Variants in CTNNAL1 observed in about 807,000 individuals in gnomAD.
The protein encoded by CTNNAL1 is alpha-catulin.
A neutral mutation model predicts 93.6 loss-of-function variants in CTNNAL1; 69 were observed. That is an observed-to-expected ratio of 0.74 (90% confidence interval 0.61 to 0.90). CTNNAL1 has a LOEUF of 0.90. Ranked by LOEUF, CTNNAL1 falls within the 40% of genes least tolerant of loss-of-function variation. The probability of loss-of-function intolerance (pLI) is 0.00; values close to 1 mark genes in which losing one functional copy is unlikely to be tolerated. For synonymous variants in CTNNAL1, 286 were observed against 305.4 expected (o/e 0.94, Z 0.66); for missense variants, 836 against 862.0 (o/e 0.97, Z 0.38).
intron 9 of CTNNAL1, among the ~76,000 whole-genome samples, chr9:108,971,222 A>G (rs1473772826): frequency 1.3e-5 from 2 of 152,324 alleles, no homozygotes; most frequent in East Asian, 3.9e-4. Flanking sequence ...AGAGGAAGCC[A>G]GTTCAATTAG....
chr9:108,948,071 A>G (rs1830456566), intron 15 of CTNNAL1, 115 bp downstream of exon 15: 1 of 1,170,580 alleles, frequency 8.5e-7, no homozygotes, highest in Non-Finnish European at 1.2e-6. Context: ...TGTAATACAC[A>G]GGTAGGTACA....
chr9:109,007,706 A>G (rs1827075389), intron 1 of CTNNAL1, among the ~76,000 whole-genome samples: 1 of 152,210 alleles, frequency 6.6e-6, no homozygotes, highest in South Asian at 2.1e-4. Context: ...TATATAACAT[A>G]TATGTGTGGA....
intron 1 of CTNNAL1, among the ~76,000 whole-genome samples, chr9:109,004,112 T>C (rs1440420426): frequency 6.6e-6 from 1 of 152,104 alleles, no homozygotes; most frequent in Non-Finnish European, 1.5e-5. Flanking sequence ...ACAATTCCCA[T>C]GTCATGAAGA....
chr9:108,966,535 C>A (rs1248311147), intron 10 of CTNNAL1, among the ~76,000 whole-genome samples: 1 of 151,842 alleles, frequency 6.6e-6, no homozygotes, highest in South Asian at 2.1e-4. Flanking sequence ...TGGTTCAATG[C>A]ACAGGCTCCA....
At chr9:108,968,119 A>G (rs930504456) in intron 10 of CTNNAL1, among the ~76,000 whole-genome samples, 3 of 152,228 alleles carry the variant, frequency 2.0e-5, no homozygotes, top group African/African-American at 7.2e-5. Context: ...ACTACAGGCT[A>G]GATTTTGGCA....
At chr9:108,990,347 A>G (rs1026668317) in intron 4 of CTNNAL1, among the ~76,000 whole-genome samples, 1 of 152,218 alleles carries the variant, frequency 6.6e-6, no homozygotes, top group African/African-American at 2.4e-5. Flanking sequence ...AGAATAACAA[A>G]TATCTAACAA....
chr9:108,942,841 A>G lies in CTNNAL1; in HGVS notation c.2140-7T>C. ...CGTTATTTTCCATCTGAAGCTGGAAAGAGTTAAGACAATTAGTATCTGGTT... is the reference window on the plus strand; with the variant it reads ...CGTTATTTTCCATCTGAAGCTGGAAGGAGTTAAGACAATTAGTATCTGGTT... On this transcript the variant is annotated splice_polypyrimidine_tract_variant and splice_region_variant and intron_variant, in intron 18 of 18. Transcript: ENST00000325551. 1.9e-6 allele frequency: 3 copies of G among 1,613,742 alleles called. No homozygotes were observed. The highest frequency in any genetic ancestry group is 2.2e-5 in the South Asian group (2 of 91,052).
intron 4 of CTNNAL1, 70 bp downstream of exon 4, chr9:108,990,656 C>T (rs907379676): frequency 1.1e-5 from 17 of 1,517,102 alleles, no homozygotes; most frequent in Admixed American, 1.1e-4. Flanking sequence ...ACAATCCTAA[C>T]GATCATACCT....
intron 10 of CTNNAL1, among the ~76,000 whole-genome samples, chr9:108,968,457 G>A (rs1335146068): frequency 1.3e-5 from 2 of 152,176 alleles, no homozygotes; most frequent in African/African-American, 2.4e-5. Flanking sequence ...GCAACCAGAT[G>A]GCAAGCAGGG....
At chr9:108,972,585 T>C in intron 9 of CTNNAL1, 90 bp downstream of exon 9, 3 of 1,153,930 alleles carry the variant, frequency 2.6e-6, no homozygotes. Flanking sequence ...TCAGATAAAT[T>C]AACCCAAAAC....
intron 3 of CTNNAL1, among the ~76,000 whole-genome samples, chr9:108,991,250 AG>A (rs1237941833): frequency 6.6e-6 from 1 of 152,190 alleles, no homozygotes; most frequent in African/African-American, 2.4e-5. Flanking sequence ...TCAGTGAACC[AG>A]GATGATAGGA....
At chr9:108,994,378 T>C (rs1255354612) in intron 2 of CTNNAL1, among the ~76,000 whole-genome samples, 1 of 152,024 alleles carries the variant, frequency 6.6e-6, no homozygotes, top group Non-Finnish European at 1.5e-5. Flanking sequence ...AAGAAGATGA[T>C]TTGGGAAACA....
chr9:108,947,145 G>A (rs945983960), intron 15 of CTNNAL1, among the ~76,000 whole-genome samples: 2 of 134,028 alleles, frequency 1.5e-5, no homozygotes, highest in African/African-American at 5.5e-5. Context: ...ATGGAGTCTT[G>A]CTCTGTCACC....
intron 14 of CTNNAL1, among the ~76,000 whole-genome samples, chr9:108,950,966 T>C (rs183013149): frequency 6.6e-6 from 1 of 152,226 alleles, no homozygotes; most frequent in East Asian, 1.9e-4. Context: ...TTTGCTTATT[T>C]TTCATTTTGT....
chr9:108,944,628 A>G (rs1305256203), intron 15 of CTNNAL1, among the ~76,000 whole-genome samples: 1 of 152,220 alleles, frequency 6.6e-6, no homozygotes, highest in Non-Finnish European at 1.5e-5. Flanking sequence ...AGACAGAAGT[A>G]TTTAGCATAT....
chr9:108,943,625 T>C, intron 17 of CTNNAL1, 78 bp downstream of exon 17: 2 of 1,227,618 alleles, frequency 1.6e-6, no homozygotes, highest in Non-Finnish European at 1.1e-6. Context: ...CTGTGGGTAC[T>C]AACAGTTTAT....
At chr9:108,999,039 A>G in intron 2 of CTNNAL1, 28 bp downstream of exon 2, 1 of 1,578,880 alleles carries the variant, frequency 6.3e-7, no homozygotes, top group South Asian at 1.2e-5. Context: ...AGTGGTATGA[A>G]TAGTCTTCAA....
intron 2 of CTNNAL1, among the ~76,000 whole-genome samples, chr9:108,997,413 TTCTA>T (rs1832063694): frequency 6.6e-6 from 1 of 152,194 alleles, no homozygotes; most frequent in Admixed American, 6.5e-5. Context: ...TCAGAAAGAC[TTCTA>T]TCTAACATAA....
rs1564148759 is a variant in CTNNAL1, at chr9:108,999,168, A to C, written c.230T>G (p.Leu77Trp). The C allele has an allele frequency of 1.2e-6, 2 of 1,613,884 alleles. No homozygotes were observed. The highest frequency in any genetic ancestry group is 1.7e-6 in the Non-Finnish European group (2 of 1,179,906). ...AIQRVGQAVN[L>W]AVGRFVKVGE... Reference sequence around the variant, plus strand: ...TACTTTAACAAATCTTCCAACTGCCAAGTTGACAGCTTGTCCTACACGCTG... The same window carrying C: ...TACTTTAACAAATCTTCCAACTGCCCAGTTGACAGCTTGTCCTACACGCTG... Residue 77 changes from leucine (L) to tryptophan (W), a missense_variant, in exon 2 of 19, where the codon TTG becomes TGG. Transcript: ENST00000325551.
Sources: gnomAD v4.1 joint callset for allele counts (sites outside exome capture counted in the v4.1 genomes callset) on GRCh38, gnomAD v4.1.1 for gene constraint, MANE v1.5 for transcripts, NCBI Gene and HGNC (gene_info 2026-07-23, HGNC 2026-07-21) for gene names.